Variants in IGSF3 observed in about 807,000 individuals in gnomAD.
IGSF3 encodes the protein immunoglobulin superfamily member 3.
A neutral mutation model predicts 114.4 loss-of-function variants in IGSF3; 23 were observed. The ratio of observed to expected loss-of-function variants is 0.20; its 90% CI spans 0.14 to 0.28. The LOEUF (loss-of-function observed/expected upper bound fraction) is 0.28. Among genes scored for constraint, IGSF3 ranks in the 10% least tolerant of loss-of-function variants. The pLI, the probability that IGSF3 is intolerant of heterozygous loss-of-function variation, is 1.00. For synonymous variants in IGSF3, 571 were observed against 645.2 expected, an observed-to-expected ratio of 0.88 and a Z score of 1.74; for missense variants, 1,172 against 1,591.5, an observed-to-expected ratio of 0.74 and a Z score of 4.48.
rs983572565 is a variant in IGSF3, at chr1:116,647,154, G to A, written c.43+19130C>T. Among the ~76,000 whole-genome samples the A allele has an allele frequency of 7.2e-5, 11 of 152,204 alleles. No homozygotes were observed. The highest frequency in any genetic ancestry group is 2.2e-4 in the African/African-American group (9 of 41,448). On this transcript the variant is annotated intron_variant, in intron 2 of 10. Transcript: ENST00000369486. The surrounding 1 kb of genome is among the most constrained non-coding windows in gnomAD (Gnocchi z 4.6). ...AGGTGACAAAAAAGATGAGGCTGAA[G>A]GTCAGGAGAGACCCAGGCAGCGATG...
chr1:116,644,881 T>C lies in IGSF3; in HGVS notation c.43+21403A>G, dbSNP rs1011859260. On this transcript the variant is annotated intron_variant, in intron 2 of 10. Coordinates refer to ENST00000369486, the MANE Select transcript of IGSF3 (RefSeq NM_001007237.3). This position sits in a 1 kb window ranked among gnomAD's most constrained non-coding sequence, Gnocchi z 5.6. ...TACGATATAGGGAAAAGAACCTAGA[T>C]TAGGCATCAAAAGTACCCGGTCCCC... is the stretch of plus-strand genomic sequence containing the variant. Among the ~76,000 whole-genome samples the C allele has an allele frequency of 2.0e-5, 3 of 152,168 alleles. No homozygotes were observed. Among genetic ancestry groups the C allele is most frequent in the African/African-American group, 7.2e-5 (3 of 41,432 alleles).
In IGSF3 at chr1:116,649,255, C is replaced by T. The variant is rs1648528641; in HGVS notation, c.43+17029G>A. Among the ~76,000 whole-genome samples, 2 of 152,200 alleles carry T rather than the reference C, an allele frequency of 1.3e-5. No individual in the cohort carries two copies. Among genetic ancestry groups the T allele is most frequent in the South Asian group, 4.1e-4 (2 of 4,830 alleles). On this transcript the variant is annotated intron_variant, in intron 2 of 10. Coordinates refer to ENST00000369486, the MANE Select transcript of IGSF3 (RefSeq NM_001007237.3). This position sits in a 1 kb window ranked among gnomAD's most constrained non-coding sequence, Gnocchi z 4.5. ...TCAATGGAGGAATACATGGCTCTTC[C>T]CTGGTTCCTTCCTCTCCCACTTCAT...
chr1:116,661,925 C>CA lies in IGSF3; in HGVS notation c.43+4358dup, dbSNP rs1490165343. 2.6e-5 allele frequency among the ~76,000 whole-genome samples: 4 copies of CA among 152,206 alleles called. No individual in the cohort carries two copies. The highest frequency in any genetic ancestry group is 5.9e-5 in the Non-Finnish European group (4 of 68,032). On this transcript the variant is annotated intron_variant, in intron 2 of 10. Coordinates refer to ENST00000369486, the MANE Select transcript of IGSF3 (RefSeq NM_001007237.3). The surrounding 1 kb of genome is among the most constrained non-coding windows in gnomAD (Gnocchi z 4.0). ...CCTTACATTAAGAGGTCCTACCCTTCACTAGCCTTTTCTTCCTTCCTGATG... is the reference window on the plus strand; with the variant it reads ...CCTTACATTAAGAGGTCCTACCCTTCAACTAGCCTTTTCTTCCTTCCTGATG...
rs1244206713 is a variant in IGSF3 at position 116,664,882 on chromosome 1, AGGCTGAGACCTG to A, written c.43+1390_43+1401del. ...CATGGAATTACCTGAGATAGCTCAAAGGCTGAGACCTGGGTCCCACTCCCTAAGCGAGTTTGG... is the reference window on the plus strand; with the variant it reads ...CATGGAATTACCTGAGATAGCTCAAAGGTCCCACTCCCTAAGCGAGTTTGG... On this transcript the variant is annotated intron_variant, in intron 2 of 10. Transcript: ENST00000369486. This position sits in a 1 kb window ranked among gnomAD's most constrained non-coding sequence, Gnocchi z 4.6. Among the ~76,000 whole-genome samples the A allele has an allele frequency of 6.6e-6, 1 of 152,196 alleles. No individual in the cohort carries two copies. Among genetic ancestry groups the A allele is most frequent in the Non-Finnish European group, 1.5e-5 (1 of 68,032 alleles).
rs1661317670 is a variant in IGSF3 at position 116,618,929 on chromosome 1, G to A, written c.44-2472C>T. On this transcript the variant is annotated intron_variant, in intron 2 of 10. Coordinates refer to ENST00000369486, the MANE Select transcript of IGSF3 (RefSeq NM_001007237.3). The surrounding 1 kb of genome is among the most constrained non-coding windows in gnomAD (Gnocchi z 4.7). ...CTTTAAGGACTGCTTCTCAATCCTG[G>A]ACCTACACTGGAATCACCTGGGGAG... Among the ~76,000 whole-genome samples the A allele has an allele frequency of 6.6e-6, 1 of 152,154 alleles. No homozygotes were observed. Among genetic ancestry groups the A allele is most frequent in the Non-Finnish European group, 1.5e-5 (1 of 68,032 alleles).
chr1:116,645,376 A>G (rs558943113), intron 2 of IGSF3, among the ~76,000 whole-genome samples: 87 of 152,370 alleles, frequency 5.7e-4, no homozygotes, highest in Admixed American at 1.3e-3. Flanking sequence ...GGTAGCAAGA[A>G]GGCACAAGGG....
intron 4 of IGSF3, among the ~76,000 whole-genome samples, chr1:116,608,614 T>C (rs1224205829): frequency 1.3e-5 from 2 of 152,204 alleles, no homozygotes; most frequent in African/African-American, 2.4e-5. Flanking sequence ...TCTGAAGCTT[T>C]AGATGTCTTA....
Position 116,636,756 on chromosome 1 carries a change from C to T in IGSF3, c.44-20299G>A, listed in dbSNP as rs1244031829. Among the ~76,000 whole-genome samples, 2 of 152,178 alleles carry T rather than the reference C, an allele frequency of 1.3e-5. No homozygotes were observed. Among genetic ancestry groups the T allele is most frequent in the Non-Finnish European group, 2.9e-5 (2 of 67,992 alleles). On this transcript the variant is annotated intron_variant, in intron 2 of 10. Transcript: ENST00000369486. This position sits in a 1 kb window ranked among gnomAD's most constrained non-coding sequence, Gnocchi z 4.5. ...TCTGTCCCACCCAGCTTTCTCACCA[C>T]CCACCCCACCCCTTCCACACTCCAA...
At chr1:116,640,162 T>C (rs1332482020) in intron 2 of IGSF3, among the ~76,000 whole-genome samples, 4 of 151,788 alleles carry the variant, frequency 2.6e-5, no homozygotes, top group Non-Finnish European at 4.4e-5. Flanking sequence ...TGACATCACA[T>C]GACAACAGCA....
chr1:116,608,837 T>C (rs1444240802), intron 4 of IGSF3, among the ~76,000 whole-genome samples: 1 of 152,108 alleles, frequency 6.6e-6, no homozygotes, highest in Non-Finnish European at 1.5e-5. Flanking sequence ...TGCTCAAAGA[T>C]GACTATATTA....
chr1:116,604,526 G>GA (rs1452073512), intron 5 of IGSF3, among the ~76,000 whole-genome samples: 5 of 152,134 alleles, frequency 3.3e-5, no homozygotes, highest in Admixed American at 6.5e-5. Flanking sequence ...GAAATACTGG[G>GA]AAAAAAACCA....
At chr1:116,640,152 T>C (rs1379461898) in intron 2 of IGSF3, among the ~76,000 whole-genome samples, 1 of 149,394 alleles carries the variant, frequency 6.7e-6, no homozygotes, top group Non-Finnish European at 1.5e-5. Flanking sequence ...GTCAAGAAAA[T>C]GACATCACAT....
Position 116,610,433 on chromosome 1 carries a change from ACCC to A in IGSF3, c.833-2105_833-2103del, listed in dbSNP as rs1571153928. Among the ~76,000 whole-genome samples, 3 of 151,608 alleles carry A rather than the reference ACCC, an allele frequency of 2.0e-5. No individual in the cohort carries two copies. The highest frequency in any genetic ancestry group is 1.5e-5 in the Non-Finnish European group (1 of 67,908). On this transcript the variant is annotated intron_variant, in intron 4 of 10. Transcript: ENST00000369486. This position sits in a 1 kb window ranked among gnomAD's most constrained non-coding sequence, Gnocchi z 4.3. ...TGAAGACACAAGATTTACCCACATC[ACCC>A]CCGTTTCTGCCCTTGGTTATGCCCA...
At position 116,618,979 on chromosome 1, in the gene IGSF3, A is replaced by G. The variant is rs1208944327; in HGVS notation, c.44-2522T>C. On this transcript the variant is annotated intron_variant, in intron 2 of 10. Coordinates refer to ENST00000369486, the MANE Select transcript of IGSF3 (RefSeq NM_001007237.3). This position sits in a 1 kb window ranked among gnomAD's most constrained non-coding sequence, Gnocchi z 4.7. ...GCTTTAAAGAACTAACAGTGCCTGG[A>G]CCCCACCTGACATAACTGGTCTTAG... Among the ~76,000 whole-genome samples, 2 of 152,100 alleles carry G rather than the reference A, an allele frequency of 1.3e-5. No homozygotes were observed. The highest frequency in any genetic ancestry group is 2.9e-5 in the Non-Finnish European group (2 of 68,008).
At chr1:116,645,935 C>T (rs796275522) in intron 2 of IGSF3, among the ~76,000 whole-genome samples, 7 of 152,170 alleles carry the variant, frequency 4.6e-5, no homozygotes, top group South Asian at 4.1e-4. Context: ...GACGCGACTG[C>T]GCTGGGAGTG....
intron 2 of IGSF3, among the ~76,000 whole-genome samples, chr1:116,640,037 C>CGA (rs1261130855): frequency 9.2e-5 from 6 of 65,290 alleles, no homozygotes; most frequent in African/African-American, 3.4e-4. Context: ...GACTCTATCT[C>CGA]AAAAAAAAAA....
At chr1:116,645,413 C>T (rs1648320028) in intron 2 of IGSF3, among the ~76,000 whole-genome samples, 1 of 152,196 alleles carries the variant, frequency 6.6e-6, no homozygotes, top group Admixed American at 6.5e-5. Flanking sequence ...AGGAATGGTC[C>T]ATATTTGATA....
Position 116,618,621 on chromosome 1 carries a change from AC to A in IGSF3, c.44-2165del, listed in dbSNP as rs1238972482. Among the ~76,000 whole-genome samples, 1 of 152,188 alleles carries A rather than the reference AC, an allele frequency of 6.6e-6. No individual in the cohort carries two copies. Among genetic ancestry groups the A allele is most frequent in the Admixed American group, 6.5e-5 (1 of 15,286 alleles). On this transcript the variant is annotated intron_variant, in intron 2 of 10. Coordinates refer to ENST00000369486, the MANE Select transcript of IGSF3 (RefSeq NM_001007237.3). This position sits in a 1 kb window ranked among gnomAD's most constrained non-coding sequence, Gnocchi z 4.7. ...ATCCCATCTAGGTTTGTTGAAGTAC[AC>A]CCTATGATGTCCACACAAGAATGAA...
chr1:116,613,863 T>C lies in IGSF3; in HGVS notation c.734A>G (p.Tyr245Cys), dbSNP rs751448511. The change falls in exon 4 of 11, where the codon TAC becomes TGC. Residue 245 changes from tyrosine to cysteine, a missense_variant. Physicochemically the swap from Tyr to Cys is radical, Grantham distance 194. This residue lies in a region of IGSF3 where 736 missense variants were observed against 1,042.0 expected (regional missense o/e 0.71). Coordinates refer to ENST00000369486, the MANE Select transcript of IGSF3 (RefSeq NM_001007237.3). The stretch of plus-strand genomic sequence containing the variant: ...CTGGATCCACTCGGCGGCCTCGCAG[T>C]AGAATTCGCCCTGGTCAGAAGGCTG... Reference protein sequence around the residue: ...HLQPSDQGEFYCEAAEWIQDP... With the variant: ...HLQPSDQGEFCCEAAEWIQDP... 1.2e-6 allele frequency: 2 copies of C among 1,613,962 alleles called. No individual in the cohort carries two copies. The highest frequency in any genetic ancestry group is 1.7e-6 in the Non-Finnish European group (2 of 1,179,856).
Sources: gnomAD v4.1 joint callset for allele counts (sites outside exome capture counted in the v4.1 genomes callset) on GRCh38, gnomAD v4.1.1 for gene constraint, gnomAD v4.1.1 regional missense constraint, Gnocchi (gnomAD v3.1) non-coding constraint, MANE v1.5 for transcripts, NCBI Gene and HGNC (gene_info 2026-07-23, HGNC 2026-07-21) for gene names.